CFAP54: variants seen among roughly 807,000 people sequenced by gnomAD.
CFAP54 encodes cilia- and flagella-associated protein 54.
In CFAP54, 290 loss-of-function variants were observed where a neutral mutation model predicts 370.4. The observed-to-expected ratio is 0.78, with a 90% CI of 0.71 to 0.86. The LOEUF (loss-of-function observed/expected upper bound fraction) is 0.86, where lower values mean the gene tolerates loss of function less well. CFAP54 is among the 40% of genes least tolerant of loss of function. The pLI, the probability that CFAP54 is intolerant of heterozygous loss-of-function variation, is 0.00. For synonymous variants in CFAP54, 1,206 were observed against 1,236.5 expected (o/e 0.98, Z 0.52); for missense variants, 3,399 against 3,528.7 (o/e 0.96, Z 0.93).
At position 96,704,425 on chromosome 12, in the gene CFAP54, T is replaced by TA. The variant is rs36091904; in HGVS notation, c.6475-301dup. 9.4e-4 allele frequency among the ~76,000 whole-genome samples: 64 copies of TA among 68,352 alleles called. 1 individual carries two copies. The highest frequency in any genetic ancestry group is 2.6e-3 in the African/African-American group (47 of 17,896). The allele number at this position is 68,352 out of a possible 152,430, so 44.8% of individuals were successfully genotyped here. A position where few individuals can be genotyped will look rare whatever the true frequency, so the allele number is the denominator to read the frequency against. ...CTGGGCGACAGAGCGAGACTCGGTCTAAAAAAAAAAAAAAAAATGTATGTG... is the reference window on the plus strand; with the variant it reads ...CTGGGCGACAGAGCGAGACTCGGTCTAAAAAAAAAAAAAAAAAATGTATGTG... On this transcript the variant is annotated intron_variant, in intron 46 of 67. Coordinates refer to ENST00000524981, the MANE Select transcript of CFAP54 (RefSeq NM_001306084.2).
intron 20 of CFAP54, among the ~76,000 whole-genome samples, chr12:96,578,642 G>C (rs1009964493): frequency 3.3e-5 from 5 of 152,134 alleles, no homozygotes; most frequent in African/African-American, 1.2e-4. Context: ...CAATGAGGAC[G>C]TTATAGGAAG....
chr12:96,728,083 A>G (rs1431357613), intron 50 of CFAP54, among the ~76,000 whole-genome samples: 1 of 152,114 alleles, frequency 6.6e-6, no homozygotes, highest in East Asian at 1.9e-4. Flanking sequence ...TGGGTAACCC[A>G]ACCTTTCTCT....
intron 23 of CFAP54, among the ~76,000 whole-genome samples, chr12:96,591,152 T>A (rs1289214474): frequency 6.6e-6 from 1 of 152,036 alleles, no homozygotes; most frequent in African/African-American, 2.4e-5. Flanking sequence ...AGTGAAAGTA[T>A]CACCAAAGAG....
chr12:96,732,736 T>C (rs1405216413), intron 50 of CFAP54, among the ~76,000 whole-genome samples: 1 of 152,228 alleles, frequency 6.6e-6, no homozygotes, highest in Admixed American at 6.5e-5. Flanking sequence ...TTGTCATATG[T>C]ATAGCTATCT....
rs1167985516 is a variant in CFAP54, at chr12:96,792,435, A to G, written c.8786A>G (p.Lys2929Arg). 3.3e-6 allele frequency: 5 copies of G among 1,535,960 alleles called. No individual in the cohort carries two copies. The highest frequency in any genetic ancestry group is 1.4e-5 in the African/African-American group (1 of 73,164). ...PIEMVTQASN[K>R]ELCFQWYIPP... is the part of the protein sequence containing the mutation. ...GAAATGGTAACGCAAGCTTCAAACA[A>G]AGAACTTTGCTTTCAATGGTACATT... Residue 2929 changes from lysine (K) to arginine (R), a missense_variant, in exon 63 of 68, where the codon AAA becomes AGA. Lys to Arg is a conservative substitution (Grantham distance 26). Coordinates refer to ENST00000524981, the MANE Select transcript of CFAP54 (RefSeq NM_001306084.2).
chr12:96,781,978 G>T (rs575707045), intron 60 of CFAP54, among the ~76,000 whole-genome samples: 2 of 152,018 alleles, frequency 1.3e-5, no homozygotes, highest in Non-Finnish European at 2.9e-5. Context: ...AAAATAAGCA[G>T]CATATTAAAA....
At chr12:96,654,072 C>T (rs1485398825) in intron 36 of CFAP54, among the ~76,000 whole-genome samples, 1 of 152,090 alleles carries the variant, frequency 6.6e-6, no homozygotes, top group East Asian at 1.9e-4. Flanking sequence ...ATGAATTGCC[C>T]TAAATGTACT....
At chr12:96,797,805 G>T (rs552650508) in intron 63 of CFAP54, among the ~76,000 whole-genome samples, 3 of 151,888 alleles carry the variant, frequency 2.0e-5, no homozygotes, top group African/African-American at 7.2e-5. Context: ...TAAAAATATT[G>T]TCTAACAATA....
intron 4 of CFAP54, among the ~76,000 whole-genome samples, chr12:96,508,314 C>T (rs1955129216): frequency 6.9e-6 from 1 of 144,064 alleles, no homozygotes; most frequent in African/African-American, 2.6e-5. Flanking sequence ...GAGATGGAGT[C>T]TCGCTGTGTT....
intron 26 of CFAP54, among the ~76,000 whole-genome samples, chr12:96,616,375 G>GA (rs575563174): frequency 9.5e-4 from 145 of 152,150 alleles, no homozygotes; most frequent in African/African-American, 3.2e-3. Flanking sequence ...GGTGGTGGGA[G>GA]GGGGGAGGGA....
chr12:96,508,466 A>G (rs1243184642), intron 4 of CFAP54, among the ~76,000 whole-genome samples: 3 of 151,490 alleles, frequency 2.0e-5, no homozygotes, highest in South Asian at 2.1e-4. Flanking sequence ...TTGTATTTTT[A>G]GTACAGACGG....
At chr12:96,544,437 TC>T (rs1305341927) in intron 14 of CFAP54, among the ~76,000 whole-genome samples, 21 of 151,450 alleles carry the variant, frequency 1.4e-4, no homozygotes, top group African/African-American at 5.1e-4. Flanking sequence ...TCTCTCTCTC[TC>T]TCTCTGACTT....
chr12:96,592,969 C>G (rs1448653993), intron 24 of CFAP54, among the ~76,000 whole-genome samples: 1 of 152,102 alleles, frequency 6.6e-6, no homozygotes, highest in Non-Finnish European at 1.5e-5. Flanking sequence ...TATAATTTCT[C>G]TAATTTAAGA....
intron 24 of CFAP54, among the ~76,000 whole-genome samples, chr12:96,593,304 TCTTTC>T (rs1956145127): frequency 1.3e-5 from 2 of 152,160 alleles, no homozygotes; most frequent in Non-Finnish European, 2.9e-5. Flanking sequence ...TTTCTTTCTC[TCTTTC>T]CTTCTTTAGG....
intron 3 of CFAP54, 39 bp downstream of exon 3, chr12:96,504,068 A>G (rs746905973): frequency 1.4e-6 from 2 of 1,469,204 alleles, no homozygotes; most frequent in Admixed American, 2.6e-5. Flanking sequence ...ACAATTTATG[A>G]TTAGCTATAC....
intron 3 of CFAP54, 64 bp from the exon 4 acceptor site, chr12:96,506,864 G>A (rs1955107077): frequency 7.1e-7 from 1 of 1,407,802 alleles, no homozygotes; most frequent in Admixed American, 2.3e-5. Flanking sequence ...TGGGATTACA[G>A]GTGTGAGCTA....
At chr12:96,666,291 A>AT (rs1957079916) in intron 39 of CFAP54, among the ~76,000 whole-genome samples, 1 of 152,076 alleles carries the variant, frequency 6.6e-6, no homozygotes, top group African/African-American at 2.4e-5. Context: ...ATCAATATAG[A>AT]TTATTCTATT....
intron 5 of CFAP54, among the ~76,000 whole-genome samples, chr12:96,513,608 G>A (rs1955197764): frequency 6.6e-6 from 1 of 152,178 alleles, no homozygotes; most frequent in African/African-American, 2.4e-5. Context: ...GGACCTGGTG[G>A]CACATGCCTG....
At chr12:96,750,353 G>C (rs1004043399) in intron 55 of CFAP54, among the ~76,000 whole-genome samples, 3 of 152,174 alleles carry the variant, frequency 2.0e-5, no homozygotes. Context: ...GGGAAAGGGA[G>C]GGCAGAAAGG....
Sources: gnomAD v4.1 joint callset for allele counts (sites outside exome capture counted in the v4.1 genomes callset) on GRCh38, gnomAD v4.1.1 for gene constraint, MANE v1.5 for transcripts, NCBI Gene and HGNC (gene_info 2026-07-23, HGNC 2026-07-21) for gene names.